The following RGS20 variants were observed in gnomAD, a reference collection of about 807,000 sequenced individuals.
RGS20 encodes gz-selective GTPase-activating protein.
A neutral mutation model predicts 33.6 loss-of-function variants in RGS20; 30 were observed. The ratio of observed to expected loss-of-function variants is 0.89; its 90% CI spans 0.67 to 1.21. RGS20 has a LOEUF of 1.21. Among genes scored for constraint, RGS20 ranks in the 50% most tolerant of loss-of-function variants. The pLI, the probability that RGS20 is intolerant of heterozygous loss-of-function variation, is 0.00. For missense variants in RGS20, 472 were observed against 502.4 expected (o/e 0.94, Z 0.58); for synonymous variants, 208 against 197.9 (o/e 1.05, Z -0.43).
chr8:53,936,493 T>A (rs1461144856), intron 2 of RGS20, among the ~76,000 whole-genome samples: 1 of 152,034 alleles, frequency 6.6e-6, no homozygotes, highest in Non-Finnish European at 1.5e-5. Context: ...TGAACTCCGA[T>A]TCACAATTGC....
At position 53,856,983 on chromosome 8, in the gene RGS20, A is replaced by T. The variant is rs564367299; in HGVS notation, c.165+4919A>T. Among the ~76,000 whole-genome samples the T allele has an allele frequency of 3.9e-5, 6 of 152,328 alleles. No individual in the cohort carries two copies. The South Asian group carries it at 8.3e-4, about 21-fold the overall frequency. ...ATGATAGAGGAAAGAAGAAAGGAAA[A>T]ACAGCTTAGTAAGAGAGCAAGTACG... On this transcript the variant is annotated intron_variant, in intron 1 of 5. Coordinates refer to ENST00000297313, the MANE Select transcript of RGS20 (RefSeq NM_170587.4).
chr8:53,936,472 C>A (rs894268053), intron 2 of RGS20, among the ~76,000 whole-genome samples: 1 of 152,048 alleles, frequency 6.6e-6, no homozygotes, highest in Non-Finnish European at 1.5e-5. Flanking sequence ...AAAAGAGAGC[C>A]AAATCATGAG....
Position 53,899,342 on chromosome 8 carries a change from CTT to C in RGS20, c.510+19741_510+19742del, listed in dbSNP as rs1812949523. Reference sequence around the variant, plus strand: ...ACAGCAGCCCAGAGCAGGCAGCTGACTTATGTCAGGCGAACAAGTTAGTGACA... The same window carrying C: ...ACAGCAGCCCAGAGCAGGCAGCTGACATGTCAGGCGAACAAGTTAGTGACA... On this transcript the variant is annotated intron_variant, in intron 2 of 5. Transcript: ENST00000297313. Among the ~76,000 whole-genome samples the C allele has an allele frequency of 2.6e-5, 4 of 152,204 alleles. No individual in the cohort carries two copies. The South Asian group carries it at 6.2e-4, about 24-fold the overall frequency.
chr8:53,926,776 G>A (rs1030877311), intron 2 of RGS20, among the ~76,000 whole-genome samples: 1 of 152,040 alleles, frequency 6.6e-6, no homozygotes, highest in East Asian at 1.9e-4. Flanking sequence ...GCCAGGTGTG[G>A]TGGTGGGCGC....
chr8:53,891,035 C>T (rs1244391100), intron 2 of RGS20, among the ~76,000 whole-genome samples: 1 of 152,114 alleles, frequency 6.6e-6, no homozygotes. Context: ...ATATGGCCGC[C>T]ACATTTGATA....
At chr8:53,907,706 ACAGGCTCCTG>A (rs1255887579) in intron 2 of RGS20, among the ~76,000 whole-genome samples, 2 of 151,816 alleles carry the variant, frequency 1.3e-5, no homozygotes, top group Non-Finnish European at 2.9e-5. Context: ...GGCCAGGCTA[ACAGGCTCCTG>A]CATCTCATGG....
At chr8:53,924,599 C>G (rs1378844217) in intron 2 of RGS20, among the ~76,000 whole-genome samples, 2 of 152,216 alleles carry the variant, frequency 1.3e-5, no homozygotes, top group Admixed American at 1.3e-4. Context: ...ACTGGGATAA[C>G]AGGCATGAGC....
intron 2 of RGS20, among the ~76,000 whole-genome samples, chr8:53,891,890 AATT>A (rs1337237235): frequency 2.0e-5 from 3 of 151,426 alleles, no homozygotes; most frequent in Non-Finnish European, 4.4e-5. Context: ...TTTTTTTTTA[AATT>A]ATTATTATTA....
At chr8:53,859,173 C>T (rs774134550) in intron 1 of RGS20, among the ~76,000 whole-genome samples, 6 of 152,118 alleles carry the variant, frequency 3.9e-5, no homozygotes, top group South Asian at 2.1e-4. Context: ...CTAGAGCTTA[C>T]GATGTACCTT....
intron 2 of RGS20, among the ~76,000 whole-genome samples, chr8:53,937,358 C>G (rs1267579670): frequency 1.3e-5 from 2 of 151,746 alleles, no homozygotes; most frequent in Non-Finnish European, 2.9e-5. Context: ...GGACCCCTTC[C>G]TTACACCTTA....
intron 5 of RGS20, among the ~76,000 whole-genome samples, chr8:53,956,536 C>A (rs1014386143): frequency 6.6e-5 from 10 of 152,160 alleles, no homozygotes; most frequent in Admixed American, 2.0e-4. Context: ...GCTGAAGACG[C>A]TAGAGAGGAA....
intron 2 of RGS20, among the ~76,000 whole-genome samples, chr8:53,897,350 C>G (rs1325016952): frequency 6.6e-6 from 1 of 152,202 alleles, no homozygotes; most frequent in Non-Finnish European, 1.5e-5. Context: ...AGGCCCTGCT[C>G]TCACTTGTGG....
In RGS20 at chr8:53,954,097, A is replaced by G. The variant is rs113296379; in HGVS notation, c.765A>G (p.Glu255=). ...GAAGCCCTGCTCCTACTCTGGAAGAAGTCAACGCCTGGGCTCAGTCATTTG... is the reference window on the plus strand; with the variant it reads ...GAAGCCCTGCTCCTACTCTGGAAGAGGTCAACGCCTGGGCTCAGTCATTTG... The change falls in exon 5 of 6, where the codon GAA becomes GAG. Residue 255 remains glutamate (E), a synonymous_variant. Coordinates refer to ENST00000297313, the MANE Select transcript of RGS20 (RefSeq NM_170587.4). 2.8e-3 allele frequency: 4,563 copies of G among 1,614,016 alleles called. 67 individuals carry two copies. In the African/African-American group the frequency reaches 0.035, roughly 13 times the overall value.
chr8:53,912,281 A>C (rs1287269434), intron 2 of RGS20, among the ~76,000 whole-genome samples: 1 of 152,082 alleles, frequency 6.6e-6, no homozygotes, highest in Non-Finnish European at 1.5e-5. Flanking sequence ...AAGCTCATAC[A>C]GCTAATCAAC....
rs1165960487 is a variant in RGS20 at position 53,958,288 on chromosome 8, G to C, written c.997G>C (p.Val333Leu). ...TCGACAGGTGAGCTTAGACTCCCGGGTGAGAGAAGTGATCAACAGAAACAT... is the reference window on the plus strand; with the variant it reads ...TCGACAGGTGAGCTTAGACTCCCGGCTGAGAGAAGTGATCAACAGAAACAT... The change falls in exon 6 of 6, where the codon GTG becomes CTG. Residue 333 changes from valine (V) to leucine (L), a missense_variant. Coordinates refer to ENST00000297313, the MANE Select transcript of RGS20 (RefSeq NM_170587.4). The C allele has an allele frequency of 6.2e-7, 1 of 1,612,090 alleles. No homozygotes were observed. The highest frequency in any genetic ancestry group is 2.2e-5 in the East Asian group (1 of 44,766).
At chr8:53,861,510 T>A (rs922991011) in intron 1 of RGS20, among the ~76,000 whole-genome samples, 1 of 152,240 alleles carries the variant, frequency 6.6e-6, no homozygotes, top group Admixed American at 6.5e-5. Flanking sequence ...AAAGAAATGA[T>A]CAAAGCAGTT....
At chr8:53,888,269 T>G (rs1326811787) in intron 2 of RGS20, among the ~76,000 whole-genome samples, 1 of 152,232 alleles carries the variant, frequency 6.6e-6, no homozygotes, top group Non-Finnish European at 1.5e-5. Flanking sequence ...TTTCTAAAAC[T>G]GAAACAAAGT....
At chr8:53,932,587 T>A (rs574742041) in intron 2 of RGS20, among the ~76,000 whole-genome samples, 1 of 152,240 alleles carries the variant, frequency 6.6e-6, no homozygotes, top group Non-Finnish European at 1.5e-5. Flanking sequence ...AGATTCCTTC[T>A]CTCTGGATAG....
intron 2 of RGS20, among the ~76,000 whole-genome samples, chr8:53,931,657 C>G (rs1415411246): frequency 6.6e-6 from 1 of 152,178 alleles, no homozygotes; most frequent in Non-Finnish European, 1.5e-5. Context: ...CCAATGAGAT[C>G]AATGCAGAAG....
Sources: allele counts gnomAD v4.1 joint callset (sites outside exome capture counted in the v4.1 genomes callset), GRCh38; gene constraint gnomAD v4.1.1; transcripts MANE v1.5; gene names NCBI Gene and HGNC (gene_info 2026-07-23, HGNC 2026-07-21).